Variants in PKP4 observed in about 807,000 individuals in gnomAD.
The protein encoded by PKP4 is plakophilin 4.
PKP4 carries 90 observed loss-of-function variants against 145.1 expected under a neutral mutation model. That is an observed-to-expected ratio of 0.62 (90% CI 0.52 to 0.74). The LOEUF (loss-of-function observed/expected upper bound fraction) is 0.74. Ranked by LOEUF, PKP4 falls within the 30% of genes least tolerant of loss-of-function variation. The probability of loss-of-function intolerance (pLI) is 0.00; values close to 1 mark genes in which losing one functional copy is unlikely to be tolerated. For synonymous variants in PKP4, 563 were observed against 577.2 expected (o/e 0.98, Z 0.35); for missense variants, 1,340 against 1,482.7 (o/e 0.90, Z 1.58).
At position 158,680,602 on chromosome 2, in the gene PKP4, T is replaced by C; in HGVS notation, c.3504T>C (p.Tyr1168=). 6.2e-7 allele frequency: 1 copy of C among 1,614,000 alleles called. No individual in the cohort carries two copies. The highest frequency in any genetic ancestry group is 8.5e-7 in the Non-Finnish European group (1 of 1,179,856). ...ATGGACTGAAATCGACCACAAATTATGTAGACTTTTATTCCACTAAACGAC... is the reference window on the plus strand; with the variant it reads ...ATGGACTGAAATCGACCACAAATTACGTAGACTTTTATTCCACTAAACGAC... ...TQYGLKSTTN[Y]VDFYSTKRPS... is the part of the protein sequence containing the mutation. The change falls in exon 22 of 22, where the codon TAT becomes TAC. Residue 1168 remains tyrosine, a synonymous_variant. Coordinates refer to ENST00000389759, the MANE Select transcript of PKP4 (RefSeq NM_003628.6).
At position 158,661,396 on chromosome 2, in the gene PKP4, C is replaced by T. The variant is rs2056567322; in HGVS notation, c.2157C>T (p.Asp719=). The part of the protein sequence containing the change: ...KQMRSCEGLV[D]SLLYVIHTCV... ...TGCGGTCCTGCGAGGGGCTGGTAGA[C>T]TCACTGTTGTATGTGATCCACACGT... Residue 719 remains aspartate, a synonymous_variant, in exon 13 of 22, where the codon GAC becomes GAT. Transcript: ENST00000389759. The T allele has an allele frequency of 6.2e-7, 1 of 1,613,780 alleles. No individual in the cohort carries two copies. The highest frequency in any genetic ancestry group is 2.2e-5 in the East Asian group (1 of 44,868).
At chr2:158,552,895 T>C (rs1003799542) in intron 2 of PKP4, among the ~76,000 whole-genome samples, 1 of 152,182 alleles carries the variant, frequency 6.6e-6, no homozygotes, top group Non-Finnish European at 1.5e-5. Flanking sequence ...GAAAAAAATG[T>C]GCCAGTAGAC....
intron 4 of PKP4, among the ~76,000 whole-genome samples, chr2:158,612,924 C>T (rs2051269044): frequency 6.6e-6 from 1 of 152,076 alleles, no homozygotes; most frequent in South Asian, 2.1e-4. Context: ...TGGCTTTCTT[C>T]TGTCTTCATA....
chr2:158,473,207 G>T (rs577167150), intron 1 of PKP4, among the ~76,000 whole-genome samples: 153 of 152,204 alleles, frequency 1.0e-3, no homozygotes, highest in Non-Finnish European at 1.7e-3. Context: ...TATACGGTTG[G>T]TGAGAGTGTA....
intron 1 of PKP4, among the ~76,000 whole-genome samples, chr2:158,470,230 T>C (rs370565998): frequency 1.3e-5 from 2 of 152,234 alleles, no homozygotes; most frequent in African/African-American, 4.8e-5. Context: ...GTTTACAACC[T>C]TAGTTATCCC....
chr2:158,547,752 G>T (rs2045208074), intron 2 of PKP4, among the ~76,000 whole-genome samples: 1 of 152,126 alleles, frequency 6.6e-6, no homozygotes, highest in African/African-American at 2.4e-5. Flanking sequence ...TAGATTATCG[G>T]CTTCCATAGA....
chr2:158,601,435 A>G (rs1200139875), intron 3 of PKP4, among the ~76,000 whole-genome samples: 1 of 152,212 alleles, frequency 6.6e-6, no homozygotes, highest in African/African-American at 2.4e-5. Flanking sequence ...AATTTAGATA[A>G]TAGAATTAAA....
intron 4 of PKP4, 33 bp from the exon 5 acceptor site, chr2:158,620,957 T>C (rs1325964145): frequency 6.3e-7 from 1 of 1,595,132 alleles, no homozygotes. Flanking sequence ...GTAATGTTAT[T>C]ATATTTAGCT....
intron 1 of PKP4, among the ~76,000 whole-genome samples, chr2:158,483,295 T>C (rs1336919329): frequency 6.6e-6 from 1 of 152,188 alleles, no homozygotes; most frequent in Non-Finnish European, 1.5e-5. Flanking sequence ...TTCTAATGCT[T>C]TTCTGGGAAT....
chr2:158,607,774 A>G (rs754838006), intron 4 of PKP4, among the ~76,000 whole-genome samples: 6 of 152,154 alleles, frequency 3.9e-5, no homozygotes, highest in Non-Finnish European at 8.8e-5. Context: ...AAAGCCAAGC[A>G]GACACTGCAT....
chr2:158,550,740 T>C (rs2045550412), intron 2 of PKP4, among the ~76,000 whole-genome samples: 2 of 152,382 alleles, frequency 1.3e-5, no homozygotes, highest in East Asian at 1.9e-4. Context: ...GTTCTCAAAC[T>C]GTGGATTTTA....
intron 9 of PKP4, among the ~76,000 whole-genome samples, chr2:158,639,347 C>A (rs998414325): frequency 6.8e-6 from 1 of 146,884 alleles, no homozygotes; most frequent in African/African-American, 2.4e-5. Context: ...TGTGTGCGTG[C>A]GTGTGTGTTT....
chr2:158,634,414 A>G, intron 9 of PKP4, 125 bp downstream of exon 9: 1 of 627,904 alleles, frequency 1.6e-6, no homozygotes, highest in Non-Finnish European at 2.8e-6. Flanking sequence ...AATTCCATAT[A>G]TATTAATACT....
chr2:158,649,847 G>T (rs1357610038), intron 11 of PKP4, among the ~76,000 whole-genome samples: 2 of 152,226 alleles, frequency 1.3e-5, no homozygotes, highest in Non-Finnish European at 2.9e-5. Flanking sequence ...GCCAGGTCCT[G>T]CAAATGCTTT....
chr2:158,574,017 G>A (rs1406400415), intron 2 of PKP4, among the ~76,000 whole-genome samples: 1 of 152,200 alleles, frequency 6.6e-6, no homozygotes, highest in African/African-American at 2.4e-5. Flanking sequence ...GTGTAGCTCT[G>A]TCTACCAAAT....
intron 17 of PKP4, among the ~76,000 whole-genome samples, chr2:158,673,030 T>C (rs889373942): frequency 2.0e-4 from 30 of 152,122 alleles, no homozygotes; most frequent in Non-Finnish European, 1.5e-4. Context: ...AAGTCCCCTC[T>C]TCAGTTACTG....
intron 1 of PKP4, among the ~76,000 whole-genome samples, chr2:158,489,903 C>T (rs752514098): frequency 7.2e-5 from 11 of 152,102 alleles, no homozygotes; most frequent in Non-Finnish European, 1.6e-4. Context: ...TGCTAATGAG[C>T]TTCAAAACCC....
At chr2:158,484,409 A>C (rs976807353) in intron 1 of PKP4, among the ~76,000 whole-genome samples, 1 of 152,186 alleles carries the variant, frequency 6.6e-6, no homozygotes, top group Non-Finnish European at 1.5e-5. Context: ...CTTGTCCTTG[A>C]GAACTGAAGC....
intron 3 of PKP4, among the ~76,000 whole-genome samples, chr2:158,596,086 A>G (rs912852476): frequency 8.6e-5 from 13 of 151,828 alleles, no homozygotes; most frequent in African/African-American, 3.2e-4. Flanking sequence ...AGACTTAGCT[A>G]GAACTTCTCA....
Sources: allele counts gnomAD v4.1 joint callset (sites outside exome capture counted in the v4.1 genomes callset), GRCh38; gene constraint gnomAD v4.1.1; transcripts MANE v1.5; gene names NCBI Gene and HGNC (gene_info 2026-07-23, HGNC 2026-07-21).